Variants in ANKFN1 observed in about 807,000 individuals in gnomAD.
ANKFN1 encodes the protein ankyrin repeat and fibronectin type III domain containing 1, also known as ankyrin repeat and fibronectin type-III domain-containing protein 1.
ANKFN1 carries 74 observed loss-of-function variants against 108.7 expected under a neutral mutation model. The ratio of observed to expected loss-of-function variants is 0.68; its 90% CI spans 0.56 to 0.83. The LOEUF is 0.83. ANKFN1 is among the 40% of genes least tolerant of loss of function. The probability of loss-of-function intolerance (pLI) is 0.00; values close to 1 mark genes in which losing one functional copy is unlikely to be tolerated. For synonymous variants in ANKFN1, 547 were observed against 516.2 expected (o/e 1.06, Z -0.81); for missense variants, 1,505 against 1,382.3 (o/e 1.09, Z -1.41).
At chr17:56,143,242 G>A (rs192039156) in intron 4 of ANKFN1, among the ~76,000 whole-genome samples, 6 of 152,302 alleles carry the variant, frequency 3.9e-5, no homozygotes, top group African/African-American at 1.2e-4. Context: ...GGTCTTTCTT[G>A]TCAGGTATCA....
At chr17:56,129,156 C>A (rs1184359676) in intron 4 of ANKFN1, among the ~76,000 whole-genome samples, 1 of 152,102 alleles carries the variant, frequency 6.6e-6, no homozygotes, top group Non-Finnish European at 1.5e-5. Flanking sequence ...GCTCTGGTCA[C>A]AAAATTAGCA....
At chr17:56,320,719 G>T (rs993692213) in intron 3 of ANKFN1, among the ~76,000 whole-genome samples, 4 of 152,170 alleles carry the variant, frequency 2.6e-5, no homozygotes, top group South Asian at 4.1e-4. Context: ...AGAGGCTGCT[G>T]AGAGGACGGA....
intron 4 of ANKFN1, among the ~76,000 whole-genome samples, chr17:56,339,666 A>G (rs958275454): frequency 6.6e-6 from 1 of 152,156 alleles, no homozygotes; most frequent in African/African-American, 2.4e-5. Context: ...ATAGTATTCC[A>G]TGTTATATGT....
At chr17:56,292,257 G>T (rs2044383209) in intron 3 of ANKFN1, among the ~76,000 whole-genome samples, 1 of 152,162 alleles carries the variant, frequency 6.6e-6, no homozygotes, top group African/African-American at 2.4e-5. Flanking sequence ...CTGACTCAGA[G>T]GTTAAGGATC....
chr17:56,510,544 AGCGAT>A lies in ANKFN1; in HGVS notation c.2719_2723del (p.Asp907ProfsTer22), dbSNP rs1476993716. 1 of 1,536,188 alleles carries A rather than the reference AGCGAT, an allele frequency of 6.5e-7. No individual in the cohort carries two copies. The highest frequency in any genetic ancestry group is 1.4e-5 in the African/African-American group (1 of 73,180). ...CCCCACCAACAGTGACTACGACTCC[AGCGAT>A]GCCCTGAGCCCCAGAGACCTGGACC... On this transcript the variant is annotated frameshift_variant, in exon 21 of 21. Transcript: ENST00000682825. LOFTEE classifies it high-confidence loss of function.
chr17:56,194,331 T>C (rs1461652511), intron 1 of ANKFN1, among the ~76,000 whole-genome samples: 2 of 152,236 alleles, frequency 1.3e-5, no homozygotes, highest in East Asian at 3.8e-4. Flanking sequence ...ATAGCAGCTT[T>C]ATTTATAATT....
At chr17:56,463,779 T>A (rs1458174542) in intron 14 of ANKFN1, 2 of 152,236 alleles carry the variant, frequency 1.3e-5, no homozygotes, top group African/African-American at 4.8e-5. Flanking sequence ...TTACATTTGT[T>A]AAGGGGAGAA....
rs140979959 is a variant in ANKFN1, at chr17:56,435,199, G to A, written c.911-5128G>A. Among the ~76,000 whole-genome samples the A allele has an allele frequency of 3.8e-3, 571 of 152,084 alleles. 1 individual carries two copies. The highest frequency in any genetic ancestry group is 0.012 in the African/African-American group (481 of 41,464). On this transcript the variant is annotated intron_variant, in intron 8 of 20. Transcript: ENST00000682825. ...TACCAGCGTGAAATTCCTGTCTACC[G>A]TAGACTTCAAGCATTCCAAAGTCAA...
intron 16 of ANKFN1, among the ~76,000 whole-genome samples, chr17:56,477,954 A>G (rs1451863089): frequency 6.6e-6 from 1 of 152,088 alleles, no homozygotes; most frequent in Admixed American, 6.6e-5. Flanking sequence ...CAGCCTCCCA[A>G]GTAGCTGGGA....
chr17:56,446,750 A>G (rs1208366883), intron 10 of ANKFN1, among the ~76,000 whole-genome samples: 1 of 151,988 alleles, frequency 6.6e-6, no homozygotes, highest in African/African-American at 2.4e-5. Flanking sequence ...CTAAAAATAC[A>G]AAAATTAGCC....
chr17:56,238,854 T>C (rs1917362463), intron 3 of ANKFN1, among the ~76,000 whole-genome samples: 1 of 152,150 alleles, frequency 6.6e-6, no homozygotes, highest in African/African-American at 2.4e-5. Context: ...AAATCTAGCA[T>C]AACACTGGTC....
intron 4 of ANKFN1, among the ~76,000 whole-genome samples, chr17:56,086,268 A>G (rs1905313020): frequency 2.0e-5 from 3 of 150,682 alleles, no homozygotes; most frequent in Admixed American, 6.6e-5. Flanking sequence ...AGCCTGATGT[A>G]GCAGCAAGTG....
At chr17:56,236,008 C>T (rs920910139) in intron 3 of ANKFN1, among the ~76,000 whole-genome samples, 2 of 151,890 alleles carry the variant, frequency 1.3e-5, no homozygotes, top group African/African-American at 2.4e-5. Context: ...GAATGTTTTT[C>T]CATTTATTTG....
At chr17:56,195,978 T>C (rs1359871354) in intron 1 of ANKFN1, among the ~76,000 whole-genome samples, 2 of 152,192 alleles carry the variant, frequency 1.3e-5, no homozygotes, top group East Asian at 1.9e-4. Context: ...GAAAAGATGA[T>C]ATCAAGTAAA....
chr17:56,144,176 A>C (rs199925880), intron 4 of ANKFN1, among the ~76,000 whole-genome samples: 3 of 121,876 alleles, frequency 2.5e-5, no homozygotes, highest in African/African-American at 8.3e-5. Flanking sequence ...AAAAAAAAAA[A>C]AAAAAAAAAC....
intron 3 of ANKFN1, among the ~76,000 whole-genome samples, chr17:56,269,850 T>C (rs1487963263): frequency 6.6e-6 from 1 of 152,134 alleles, no homozygotes; most frequent in Non-Finnish European, 1.5e-5. Flanking sequence ...AAGTTCTCAT[T>C]CAGGTCTTTG....
chr17:56,490,909 G>T (rs1286076042), intron 18 of ANKFN1, among the ~76,000 whole-genome samples: 1 of 146,618 alleles, frequency 6.8e-6, no homozygotes, highest in African/African-American at 2.5e-5. Context: ...CACTGCCCTG[G>T]CATTCACCTA....
At chr17:56,227,879 C>T (rs777427568) in intron 2 of ANKFN1, 38 bp from the exon 3 acceptor site, 2 of 1,561,668 alleles carry the variant, frequency 1.3e-6, no homozygotes, top group Non-Finnish European at 1.7e-6. Context: ...GATTACTGTA[C>T]AATTTTTTAA....
intron 4 of ANKFN1, among the ~76,000 whole-genome samples, chr17:56,144,530 C>T (rs1191219744): frequency 2.6e-5 from 4 of 152,166 alleles, no homozygotes; most frequent in Admixed American, 6.5e-5. Context: ...CGCATGCCCT[C>T]GCGGGAGTCC....
Sources: allele counts gnomAD v4.1 joint callset (sites outside exome capture counted in the v4.1 genomes callset), GRCh38; gene constraint gnomAD v4.1.1; transcripts MANE v1.5; gene names NCBI Gene and HGNC (gene_info 2026-07-23, HGNC 2026-07-21).